RPH3A: variants seen among roughly 807,000 people sequenced by gnomAD.
RPH3A encodes rabphilin-3A.
In RPH3A, 48 loss-of-function variants were observed where a neutral mutation model predicts 102.2. That is an observed-to-expected ratio of 0.47 (90% CI 0.37 to 0.60). The LOEUF (loss-of-function observed/expected upper bound fraction) is 0.60. RPH3A is among the 20% of genes least tolerant of loss of function. The pLI, the probability that RPH3A is intolerant of heterozygous loss-of-function variation, is 0.00. For synonymous variants in RPH3A, 310 were observed against 324.3 expected (o/e 0.96, Z 0.47); for missense variants, 781 against 910.1 (o/e 0.86, Z 1.83).
chr12:112,608,431 T>C (rs372221855), intron 1 of RPH3A, among the ~76,000 whole-genome samples: 16 of 152,204 alleles, frequency 1.1e-4, no homozygotes, highest in Admixed American at 7.2e-4. Context: ...TCTCAAGTAG[T>C]GTCCTGCCCA....
intron 5 of RPH3A, among the ~76,000 whole-genome samples, chr12:112,864,143 G>T (rs1282905652): frequency 6.6e-6 from 1 of 152,200 alleles, no homozygotes; most frequent in Non-Finnish European, 1.5e-5. Context: ...TCAAGAGGGA[G>T]TGCTATTCTA....
chr12:112,640,469 C>A (rs2039881266), intron 1 of RPH3A, among the ~76,000 whole-genome samples: 1 of 151,586 alleles, frequency 6.6e-6, no homozygotes, highest in South Asian at 2.1e-4. Flanking sequence ...CTCTCTTTTC[C>A]CCATCTTTTC....
intron 2 of RPH3A, among the ~76,000 whole-genome samples, chr12:112,795,195 G>A (rs2041206366): frequency 6.6e-6 from 1 of 152,158 alleles, no homozygotes; most frequent in South Asian, 2.1e-4. Flanking sequence ...AGAGTTTATG[G>A]CTTTCCAATA....
At position 112,869,814 on chromosome 12, in the gene RPH3A, CTGTTT is replaced by C; in HGVS notation, c.649+21_649+25del. 6.2e-7 allele frequency: 1 copy of C among 1,614,158 alleles called. No individual in the cohort carries two copies. The highest frequency in any genetic ancestry group is 8.5e-7 in the Non-Finnish European group (1 of 1,180,030). On this transcript the variant is annotated intron_variant, in intron 9 of 21. Coordinates refer to ENST00000389385, the MANE Select transcript of RPH3A (RefSeq NM_001143854.2). Reference sequence around the variant, plus strand: ...AGAAGACAGGTGGGTTCTGCTGACTCTGTTTTGTCATTTGAGACACGAATTCACCT... The same window carrying C: ...AGAAGACAGGTGGGTTCTGCTGACTCTGTCATTTGAGACACGAATTCACCT...
intron 4 of RPH3A, chr12:112,841,928 C>G (rs1056196105): frequency 7.0e-5 from 32 of 455,892 alleles, no homozygotes; most frequent in Non-Finnish European, 1.4e-4. Context: ...CTCTGTCTCT[C>G]TCTCCTGAAT....
At chr12:112,676,918 G>A (rs1363956307) in intron 1 of RPH3A, among the ~76,000 whole-genome samples, 4 of 152,172 alleles carry the variant, frequency 2.6e-5, no homozygotes, top group Admixed American at 1.3e-4. Flanking sequence ...GAGGGGCAAG[G>A]TAGCTTTTCT....
rs535160351 is a variant in RPH3A at position 112,761,795 on chromosome 12, G to T, written c.-139-30348G>T. Among the ~76,000 whole-genome samples, 86 of 152,264 alleles carry T rather than the reference G, an allele frequency of 5.6e-4. 1 individual carries two copies. The highest frequency in any genetic ancestry group is 1.2e-3 in the Non-Finnish European group (79 of 68,016). On this transcript the variant is annotated intron_variant, in intron 1 of 21. Transcript: ENST00000543106. ...GGGCTGTCTTGCATGATGAAACCAG[G>T]GGCAAAACCACAGACAGTCTGGCTA...
chr12:112,682,120 A>C (rs141584699), intron 1 of RPH3A, among the ~76,000 whole-genome samples: 25 of 152,338 alleles, frequency 1.6e-4, no homozygotes, highest in African/African-American at 5.8e-4. Context: ...GATTCTTCAG[A>C]GAAACAGAAC....
intron 1 of RPH3A, among the ~76,000 whole-genome samples, chr12:112,683,069 C>G (rs984770892): frequency 1.3e-5 from 2 of 152,116 alleles, no homozygotes; most frequent in African/African-American, 4.8e-5. Flanking sequence ...CTGTAATCAC[C>G]ACGAAGTGTA....
At chr12:112,646,286 A>G (rs2039929757) in intron 1 of RPH3A, among the ~76,000 whole-genome samples, 1 of 152,230 alleles carries the variant, frequency 6.6e-6, no homozygotes, top group Non-Finnish European at 1.5e-5. Context: ...CGTTCTTCTT[A>G]TAATTCTCCT....
chr12:112,804,206 A>G (rs919073855), intron 2 of RPH3A, among the ~76,000 whole-genome samples: 4 of 152,228 alleles, frequency 2.6e-5, no homozygotes, highest in African/African-American at 9.6e-5. Flanking sequence ...TTCAGTCATC[A>G]GGGATGACAG....
chr12:112,636,856 A>G (rs2039852346), intron 1 of RPH3A, among the ~76,000 whole-genome samples: 1 of 152,112 alleles, frequency 6.6e-6, no homozygotes, highest in African/African-American at 2.4e-5. Context: ...CCACTAGCTC[A>G]GGCACCCTAC....
At chr12:112,817,440 G>A (rs562788494) in intron 2 of RPH3A, among the ~76,000 whole-genome samples, 2 of 151,898 alleles carry the variant, frequency 1.3e-5, no homozygotes, top group Non-Finnish European at 2.9e-5. Flanking sequence ...TCCCTTCTCT[G>A]GGAAGACACC....
Position 112,880,254 on chromosome 12 carries a change from A to G in RPH3A, c.1251+1056A>G, listed in dbSNP as rs188551646. ...AGCATTTATTGGGCACCTAGAATATATCATCATTTATTGGGCACCAAGTAT... is the reference window on the plus strand; with the variant it reads ...AGCATTTATTGGGCACCTAGAATATGTCATCATTTATTGGGCACCAAGTAT... On this transcript the variant is annotated intron_variant, in intron 14 of 21. Coordinates refer to ENST00000389385, the MANE Select transcript of RPH3A (RefSeq NM_001143854.2). Among the ~76,000 whole-genome samples the G allele has an allele frequency of 1.6e-3, 246 of 152,304 alleles. 2 individuals carry two copies. Among genetic ancestry groups the G allele is most frequent in the African/African-American group, 5.7e-3 (235 of 41,566 alleles).
intron 5 of RPH3A, among the ~76,000 whole-genome samples, chr12:112,859,641 T>G (rs533805125): frequency 2.6e-5 from 4 of 152,334 alleles, no homozygotes; most frequent in Admixed American, 6.5e-5. Context: ...TTTTTGCTTT[T>G]TCCCCAGTTA....
At chr12:112,684,893 G>A (rs1179663096) in intron 1 of RPH3A, among the ~76,000 whole-genome samples, 1 of 152,152 alleles carries the variant, frequency 6.6e-6, no homozygotes, top group Admixed American at 6.5e-5. Context: ...GTAAGGGCTT[G>A]CTTCTTCATA....
intron 1 of RPH3A, among the ~76,000 whole-genome samples, chr12:112,598,253 G>A (rs1157499971): frequency 6.6e-6 from 1 of 152,192 alleles, no homozygotes; most frequent in Non-Finnish European, 1.5e-5. Flanking sequence ...TACAAGGAGT[G>A]TTCTCTCATT....
intron 5 of RPH3A, among the ~76,000 whole-genome samples, chr12:112,861,500 G>A (rs190357218): frequency 3.3e-5 from 5 of 152,174 alleles, no homozygotes; most frequent in African/African-American, 4.8e-5. Flanking sequence ...GGCGATCCCC[G>A]TGGCTGTACA....
intron 1 of RPH3A, among the ~76,000 whole-genome samples, chr12:112,781,943 A>G (rs1227822599): frequency 6.6e-6 from 1 of 152,242 alleles, no homozygotes; most frequent in Non-Finnish European, 1.5e-5. Flanking sequence ...GCTGATAACT[A>G]AACATGCAAT....
Sources: gnomAD v4.1 joint callset for allele counts (sites outside exome capture counted in the v4.1 genomes callset) on GRCh38, gnomAD v4.1.1 for gene constraint, MANE v1.5 for transcripts, NCBI Gene and HGNC (gene_info 2026-07-23, HGNC 2026-07-21) for gene names.